CHD7: variants seen among roughly 807,000 people sequenced by gnomAD.
CHD7 encodes the protein chromodomain helicase DNA binding protein 7.
Under a neutral mutation model 307.3 loss-of-function variants are expected in CHD7, and 24 were observed. The ratio of observed to expected loss-of-function variants is 0.08; its 90% CI spans 0.06 to 0.11. The LOEUF is 0.11. Ranked by LOEUF, CHD7 falls within the 10% of genes least tolerant of loss-of-function variation. The probability of loss-of-function intolerance (pLI) is 1.00; values close to 1 mark genes in which losing one functional copy is unlikely to be tolerated. For missense variants in CHD7, 3,106 were observed against 3,727.1 expected (o/e 0.83, Z 4.34); for synonymous variants, 1,363 against 1,349.9 (o/e 1.01, Z -0.21).
chr8:60,815,404 T>G (rs1343669974), intron 7 of CHD7, among the ~76,000 whole-genome samples: 1 of 152,222 alleles, frequency 6.6e-6, no homozygotes, highest in Non-Finnish European at 1.5e-5. Flanking sequence ...TAATTTCTTT[T>G]TAATATTGTC....
chr8:60,733,901 TTAA>T (rs1376486684), intron 1 of CHD7, among the ~76,000 whole-genome samples: 4 of 152,220 alleles, frequency 2.6e-5, no homozygotes, highest in African/African-American at 9.6e-5. Flanking sequence ...GCATTAGATA[TTAA>T]TGTTAACTGC....
chr8:60,690,095 T>G (rs1806120256), intron 1 of CHD7, among the ~76,000 whole-genome samples: 1 of 152,176 alleles, frequency 6.6e-6, no homozygotes, highest in South Asian at 2.1e-4. Context: ...TCTTCCGCAG[T>G]CATACACTCA....
chr8:60,862,387 G>A lies in CHD7; in HGVS notation c.7971+51G>A, dbSNP rs1295799870. 4 of 1,560,724 alleles carry A rather than the reference G, an allele frequency of 2.6e-6. No individual in the cohort carries two copies. The African/African-American group carries it at 4.1e-5, about 16-fold the overall frequency. On this transcript the variant is annotated intron_variant, in intron 36 of 37. Coordinates refer to ENST00000423902, the MANE Select transcript of CHD7 (RefSeq NM_017780.4). ...CACTATGCGATTTCTTAGCCCAGAAGGAAGTGTTTTATCCTGCCTTCTTCT... is the reference window on the plus strand; with the variant it reads ...CACTATGCGATTTCTTAGCCCAGAAAGAAGTGTTTTATCCTGCCTTCTTCT...
intron 23 of CHD7, among the ~76,000 whole-genome samples, chr8:60,846,502 C>G (rs1805216954): frequency 6.6e-6 from 1 of 152,206 alleles, no homozygotes; most frequent in Admixed American, 6.5e-5. Flanking sequence ...ATCACTAGTT[C>G]AGGCAACAAT....
Position 60,850,670 on chromosome 8 carries a change from A to C in CHD7, c.5534+48A>C, listed in dbSNP as rs771887497. The C allele has an allele frequency of 1.9e-6, 3 of 1,559,556 alleles. No homozygotes were observed. The South Asian group carries it at 3.5e-5, about 18-fold the overall frequency. On this transcript the variant is annotated intron_variant, in intron 26 of 37. Coordinates refer to ENST00000423902, the MANE Select transcript of CHD7 (RefSeq NM_017780.4). Reference sequence around the variant, plus strand: ...TGAATAAACTTTATGTCAGTTTCACATCTATTGGCAGGGTTCAGTTCTTAC... The same window carrying C: ...TGAATAAACTTTATGTCAGTTTCACCTCTATTGGCAGGGTTCAGTTCTTAC...
intron 3 of CHD7, 35 bp downstream of exon 3, chr8:60,781,465 T>A: frequency 6.7e-7 from 1 of 1,497,790 alleles, no homozygotes; most frequent in Non-Finnish European, 8.9e-7. Context: ...CTGCAAAACA[T>A]TGAGAGTACA....
intron 14 of CHD7, among the ~76,000 whole-genome samples, 184 bp from the exon 15 acceptor site, chr8:60,830,138 T>C (rs1179284654): frequency 6.6e-6 from 1 of 152,208 alleles, no homozygotes; most frequent in Non-Finnish European, 1.5e-5. Context: ...TGACATAAAA[T>C]TATGCAACCT....
intron 2 of CHD7, among the ~76,000 whole-genome samples, chr8:60,743,624 T>C (rs998353303): frequency 6.6e-6 from 1 of 152,268 alleles, no homozygotes; most frequent in Non-Finnish European, 1.5e-5. Flanking sequence ...AATTGCAAAC[T>C]GTAGAAAATC....
chr8:60,794,036 C>T (rs1283960705), intron 3 of CHD7, among the ~76,000 whole-genome samples: 3 of 152,010 alleles, frequency 2.0e-5, no homozygotes, highest in East Asian at 1.9e-4. Flanking sequence ...GCAGGAGAAT[C>T]GCTTGGACCC....
At chr8:60,823,804 T>C in intron 12 of CHD7, 36 bp from the exon 13 acceptor site, 1 of 1,548,516 alleles carries the variant, frequency 6.5e-7, no homozygotes, top group Admixed American at 1.7e-5. Flanking sequence ...TATGTAACCA[T>C]TAATGCTTAA....
At position 60,742,247 on chromosome 8, in the gene CHD7, G is replaced by A; in HGVS notation, c.815G>A (p.Ser272Asn). ...TALHGESVAH[S>N]PRFSPNPPQQ... ...CTCCATGGAGAATCCGTTGCCCACA[G>A]TCCCAGATTCTCCCCGAATCCTCCC... The change falls in exon 2 of 38, where the codon AGT (serine) becomes AAT (asparagine). Residue 272 changes from serine to asparagine, a missense_variant. This residue lies in a region of CHD7 where 998 missense variants were observed against 1,004.5 expected (regional missense o/e 0.99). Transcript: ENST00000423902. 6.8e-6 allele frequency: 11 copies of A among 1,613,862 alleles called. No individual in the cohort carries two copies. Among genetic ancestry groups the A allele is most frequent in the Non-Finnish European group, 8.5e-6 (10 of 1,179,868 alleles).
rs1478284862 is a variant in CHD7, at chr8:60,852,562, C to T, written c.5959C>T (p.Pro1987Ser). 6.2e-7 allele frequency: 1 copy of T among 1,613,742 alleles called. No individual in the cohort carries two copies. Among genetic ancestry groups the T allele is most frequent in the Non-Finnish European group, 8.5e-7 (1 of 1,179,818 alleles). The change falls in exon 30 of 38, where the codon CCT (proline) becomes TCT (serine). Residue 1987 changes from proline to serine, a missense_variant. This residue lies in a region of CHD7 where 1,030 missense variants were observed against 1,165.4 expected (regional missense o/e 0.88). Transcript: ENST00000423902. Reference protein sequence around the residue: ...VVSTFGVIFDPVKQQFDWNQF... With the variant: ...VVSTFGVIFDSVKQQFDWNQF... Reference sequence around the variant, plus strand: ...ATCCACCTTTGGGGTTATTTTTGACCCTGTGAAACAGCAATTTGACTGGAA... The same window carrying T: ...ATCCACCTTTGGGGTTATTTTTGACTCTGTGAAACAGCAATTTGACTGGAA...
chr8:60,805,044 G>A (rs1049015306), intron 6 of CHD7, among the ~76,000 whole-genome samples: 1 of 152,146 alleles, frequency 6.6e-6, no homozygotes, highest in Non-Finnish European at 1.5e-5. Flanking sequence ...GTGTATGTAT[G>A]GGAATAGTTC....
chr8:60,807,375 AGAAG>A (rs1297886878), intron 6 of CHD7, among the ~76,000 whole-genome samples: 1 of 152,250 alleles, frequency 6.6e-6, no homozygotes, highest in Non-Finnish European at 1.5e-5. Flanking sequence ...CAAATGTTCC[AGAAG>A]GAAATTACAT....
At chr8:60,737,273 A>G (rs895479520) in intron 1 of CHD7, among the ~76,000 whole-genome samples, 1 of 152,162 alleles carries the variant, frequency 6.6e-6, no homozygotes, top group Non-Finnish European at 1.5e-5. Flanking sequence ...AAGGAAATTC[A>G]CTTCTATTTG....
At chr8:60,847,515 G>A (rs575072317) in intron 23 of CHD7, among the ~76,000 whole-genome samples, 2 of 152,196 alleles carry the variant, frequency 1.3e-5, no homozygotes, top group South Asian at 4.1e-4. Context: ...ATTGTAAAGT[G>A]CTGTACAAGT....
chr8:60,784,278 C>T (rs1811390814), intron 3 of CHD7, among the ~76,000 whole-genome samples: 1 of 152,140 alleles, frequency 6.6e-6, no homozygotes, highest in South Asian at 2.1e-4. Context: ...TATGTGATAC[C>T]AGTTATTTCC....
At chr8:60,728,527 GTCTT>G (rs770579073) in intron 1 of CHD7, among the ~76,000 whole-genome samples, 8 of 152,246 alleles carry the variant, frequency 5.3e-5, no homozygotes, top group African/African-American at 9.6e-5. Flanking sequence ...AAAAGGCAAG[GTCTT>G]TCTTTCTTTT....
intron 19 of CHD7, among the ~76,000 whole-genome samples, chr8:60,840,254 G>A (rs543602784): frequency 1.3e-4 from 20 of 152,272 alleles, no homozygotes; most frequent in African/African-American, 4.8e-4. Flanking sequence ...TGTGGGTTTT[G>A]AGACCCACAT....
Sources: gnomAD v4.1 joint callset for allele counts (sites outside exome capture counted in the v4.1 genomes callset) on GRCh38, gnomAD v4.1.1 for gene constraint, gnomAD v4.1.1 regional missense constraint, MANE v1.5 for transcripts, NCBI Gene and HGNC (gene_info 2026-07-23, HGNC 2026-07-21) for gene names.